Variants in CEP63 observed in about 807,000 individuals in gnomAD.
CEP63 encodes the protein centrosomal protein of 63 kDa.
In CEP63, 84 loss-of-function variants were observed where a neutral mutation model predicts 89.1. The observed-to-expected ratio is 0.94, with a 90% CI of 0.79 to 1.13. CEP63 has a LOEUF of 1.13. Ranked by LOEUF, CEP63 falls within the 50% of genes most tolerant of loss-of-function variation. The probability of loss-of-function intolerance (pLI) is 0.00; values close to 1 mark genes in which losing one functional copy is unlikely to be tolerated. For synonymous variants in CEP63, 267 were observed against 272.5 expected, an observed-to-expected ratio of 0.98 and a Z score of 0.20; for missense variants, 838 against 813.3, an observed-to-expected ratio of 1.03 and a Z score of -0.37.
At chr3:134,732,801 C>G in the CEP63 span, among the ~76,000 whole-genome samples, 1 of 152,102 alleles carries the variant, frequency 6.6e-6, no homozygotes, top group Non-Finnish European at 1.5e-5. Context: ...AAGGGCCCAT[C>G]ATATTGTTGA....
At chr3:134,601,098 C>T in the CEP63 span, 1 of 152,200 alleles carries the variant, frequency 6.6e-6, no homozygotes, top group African/African-American at 2.4e-5. Flanking sequence ...GAAAAGCCTT[C>T]AAAATGCAAC....
the CEP63 span, among the ~76,000 whole-genome samples, chr3:134,761,498 A>G: frequency 6.6e-6 from 1 of 152,186 alleles, no homozygotes; most frequent in Non-Finnish European, 1.5e-5. Context: ...CCCTGGCATC[A>G]CCTGAAAGCC....
At chr3:134,610,078 G>A in the CEP63 span, 2 of 1,102,826 alleles carry the variant, frequency 1.8e-6, no homozygotes, top group Non-Finnish European at 2.6e-6. Context: ...TGGGCATGGG[G>A]CCTCCTGGCT....
chr3:134,576,981 CA>C (rs1304912782), downstream of CEP63, among the ~76,000 whole-genome samples: 1 of 152,198 alleles, frequency 6.6e-6, no homozygotes, highest in African/African-American at 2.4e-5. Context: ...CAACACTGCG[CA>C]GGCCAAACAG....
the CEP63 span, among the ~76,000 whole-genome samples, chr3:134,771,030 C>T: frequency 2.6e-5 from 4 of 152,292 alleles, no homozygotes; most frequent in Non-Finnish European, 5.9e-5. Context: ...AGGAAGGTAA[C>T]CTTAAGAATA....
intron 2 of CEP63, among the ~76,000 whole-genome samples, chr3:134,504,677 A>G (rs1167013972): frequency 7.1e-6 from 1 of 140,932 alleles, no homozygotes; most frequent in Non-Finnish European, 1.5e-5. Context: ...TTCAGCTATT[A>G]TTTTGTTAAA....
chr3:134,595,126 A>T, the CEP63 span, among the ~76,000 whole-genome samples: 1 of 152,144 alleles, frequency 6.6e-6, no homozygotes, highest in East Asian at 1.9e-4. Context: ...AGTTTCCATA[A>T]TCTCCACGTG....
chr3:134,778,534 C>CTGTTTTGTT, the CEP63 span, among the ~76,000 whole-genome samples: 1 of 151,768 alleles, frequency 6.6e-6, no homozygotes, highest in Non-Finnish European at 1.5e-5. Context: ...AATGTTTTTG[C>CTGTTTTGTT]TGTTTTGTTT....
chr3:134,492,069 T>TA lies in CEP63; in HGVS notation c.-25-3227_-25-3226insA, dbSNP rs1937699626. 6.9e-5 allele frequency among the ~76,000 whole-genome samples: 8 copies of TA among 116,708 alleles called. No individual in the cohort carries two copies. In the South Asian group the frequency reaches 2.1e-3, roughly 31 times the overall value. The allele number at this position is 116,708 out of a possible 152,430, so 76.6% of individuals were successfully genotyped here. ...CTATTATAAGACATTCTATTTGTAT[T>TA]CTTTTTTTTTTTTTTTTTTTTTGAG... On this transcript the variant is annotated intron_variant, in intron 1 of 14. Coordinates refer to ENST00000675561, the MANE Select transcript of CEP63 (RefSeq NM_001353108.3).
intron 3 of CEP63, among the ~76,000 whole-genome samples, chr3:134,515,806 G>A (rs1410014171): frequency 6.6e-6 from 1 of 152,082 alleles, no homozygotes; most frequent in East Asian, 1.9e-4. Flanking sequence ...AATGCTGGCT[G>A]ATAAGCTTAA....
At position 134,545,804 on chromosome 3, in the gene CEP63, T is replaced by A; in HGVS notation, c.774T>A (p.Ser258=). ...QQQKEEKLRE[S]EKLLEALQEE... The stretch of plus-strand genomic sequence containing the variant: ...AAAAAGAAGAAAAATTGAGGGAATC[T>A]GAAAAACTATTAGAGGTATGTTTTA... The change falls in exon 7 of 15, where the codon TCT becomes TCA. Residue 258 remains serine, a synonymous_variant. Transcript: ENST00000675561. 1 of 1,611,170 alleles carries A rather than the reference T, an allele frequency of 6.2e-7. No homozygotes were observed. Among genetic ancestry groups the A allele is most frequent in the Non-Finnish European group, 8.5e-7 (1 of 1,177,684 alleles).
At chr3:134,627,588 A>G in the CEP63 span, among the ~76,000 whole-genome samples, 1 of 152,170 alleles carries the variant, frequency 6.6e-6, no homozygotes, top group African/African-American at 2.4e-5. Context: ...ACCTGTGTCC[A>G]TGGCAGACAT....
the CEP63 span, among the ~76,000 whole-genome samples, chr3:134,713,994 G>A: frequency 6.6e-6 from 1 of 152,344 alleles, no homozygotes; most frequent in East Asian, 1.9e-4. Flanking sequence ...GCAGCCTCAA[G>A]CTGTCTGTGA....
At chr3:134,538,882 C>G (rs1479015762) in intron 6 of CEP63, among the ~76,000 whole-genome samples, 1 of 151,956 alleles carries the variant, frequency 6.6e-6, no homozygotes, top group Admixed American at 6.6e-5. Context: ...ATTATTGACT[C>G]TATGTAATTA....
chr3:134,594,003 T>C, the CEP63 span, among the ~76,000 whole-genome samples: 1 of 152,232 alleles, frequency 6.6e-6, no homozygotes, highest in East Asian at 1.9e-4. Flanking sequence ...GGGGACAGCC[T>C]TCAAGTGCTG....
At chr3:134,728,659 A>C in the CEP63 span, among the ~76,000 whole-genome samples, 1 of 152,238 alleles carries the variant, frequency 6.6e-6, no homozygotes, top group South Asian at 2.1e-4. Context: ...GATGGAGTAT[A>C]CTGCAGGTGT....
Position 134,562,183 on chromosome 3 carries a change from T to C in CEP63, c.*648T>C, listed in dbSNP as rs1365985867. ...ATGCACGGTGCCCATGGAATATCCATTGGAAATAAATGTTCATCGTCTGCA... is the reference window on the plus strand; with the variant it reads ...ATGCACGGTGCCCATGGAATATCCACTGGAAATAAATGTTCATCGTCTGCA... On this transcript the variant is annotated 3_prime_UTR_variant, in exon 15 of 15. Coordinates refer to ENST00000675561, the MANE Select transcript of CEP63 (RefSeq NM_001353108.3). 1.0e-6 allele frequency: 1 copy of C among 986,320 alleles called. No individual in the cohort carries two copies. The highest frequency in any genetic ancestry group is 1.2e-6 in the Non-Finnish European group (1 of 830,522). The allele number at this position is 986,320 out of a possible 1,614,324, so 61.1% of individuals were successfully genotyped here. A position where few individuals can be genotyped will look rare whatever the true frequency, so the allele number is the denominator to read the frequency against.
chr3:134,630,088 T>A, the CEP63 span, among the ~76,000 whole-genome samples: 1 of 152,078 alleles, frequency 6.6e-6, no homozygotes, highest in African/African-American at 2.4e-5. Flanking sequence ...TAGACTGGAC[T>A]TAAAGGCATT....
chr3:134,657,816 C>T, the CEP63 span, among the ~76,000 whole-genome samples: 3 of 152,206 alleles, frequency 2.0e-5, no homozygotes, highest in African/African-American at 7.2e-5. Context: ...TCTCCATACA[C>T]TATCACAAGC....
Sources: gnomAD v4.1 joint callset for allele counts (sites outside exome capture counted in the v4.1 genomes callset) on GRCh38, gnomAD v4.1.1 for gene constraint, MANE v1.5 for transcripts, NCBI Gene and HGNC (gene_info 2026-07-23, HGNC 2026-07-21) for gene names.